SIAE: variants seen among roughly 807,000 people sequenced by gnomAD.
The protein encoded by SIAE is sialate O-acetylesterase.
Under a neutral mutation model 52.6 loss-of-function variants are expected in SIAE, and 39 were observed. That is an observed-to-expected ratio of 0.74 (90% CI 0.57 to 0.97). SIAE has a LOEUF of 0.97. Ranked by LOEUF, SIAE falls within the 50% of genes least tolerant of loss-of-function variation. SIAE has a pLI of 0.00. For synonymous variants in SIAE, 233 were observed against 241.4 expected (o/e 0.97, Z 0.32); for missense variants, 592 against 662.1 (o/e 0.89, Z 1.16).
chr11:124,644,589 T>C (rs1942903558), intron 7 of SIAE, among the ~76,000 whole-genome samples: 2 of 152,120 alleles, frequency 1.3e-5, no homozygotes, highest in Non-Finnish European at 2.9e-5. Flanking sequence ...CTAATCCGTC[T>C]CCCACAGTGG....
At chr11:124,675,390 T>C (rs765844918), upstream of SIAE, 4 of 1,613,918 alleles carry the variant, frequency 2.5e-6, no homozygotes, top group Admixed American at 5.0e-5. Flanking sequence ...CAGCAGCCTA[T>C]TTTGAGAGCC....
rs79385738 is a variant in SIAE, at chr11:124,642,215, A to C, written c.967-2348T>G. Among the ~76,000 whole-genome samples, 1,275 of 152,330 alleles carry C rather than the reference A, an allele frequency of 8.4e-3. 22 individuals carry two copies. The East Asian group carries it at 0.091, about 11-fold the overall frequency. On this transcript the variant is annotated intron_variant, in intron 7 of 9. Transcript: ENST00000263593. The stretch of plus-strand genomic sequence containing the variant: ...GAATTAACTGTGTGGCATCTCAGGC[A>C]TCCAAGTAGCACCAGAATATTTGGG...
At chr11:124,664,773 T>C (rs1035340799) in intron 2 of SIAE, among the ~76,000 whole-genome samples, 14 of 152,218 alleles carry the variant, frequency 9.2e-5, no homozygotes, top group Non-Finnish European at 1.9e-4. Context: ...GTTCTATTAT[T>C]GTGCCAAAAT....
Position 124,647,300 on chromosome 11 carries a change from ACCTCTT to A in SIAE, c.966+59_966+64del, listed in dbSNP as rs1942949005. 4.3e-6 allele frequency: 7 copies of A among 1,609,922 alleles called. No homozygotes were observed. The Admixed American group carries it at 8.3e-5, about 19-fold the overall frequency. Reference sequence around the variant, plus strand: ...CACATCCCCACACCAATGCCCATAAACCTCTTCCTCTCAACACAGGAACAGGTGTTG... The same window carrying A: ...CACATCCCCACACCAATGCCCATAAACCTCTCAACACAGGAACAGGTGTTG... On this transcript the variant is annotated intron_variant, in intron 7 of 9. Coordinates refer to ENST00000263593, the MANE Select transcript of SIAE (RefSeq NM_170601.5).
chr11:124,654,387 G>T, intron 4 of SIAE: 1 of 985,260 alleles, frequency 1.0e-6, no homozygotes, highest in East Asian at 1.1e-4. Flanking sequence ...GAGAGATGCT[G>T]GCGGAGCCCA....
intron 7 of SIAE, among the ~76,000 whole-genome samples, chr11:124,640,423 T>C (rs1184834225): frequency 2.0e-5 from 3 of 152,202 alleles, no homozygotes; most frequent in African/African-American, 7.2e-5. Flanking sequence ...TGGTATCATG[T>C]AGGGCAGAAA....
rs144033364 is a variant in SIAE at position 124,641,231 on chromosome 11, T to G, written c.967-1364A>C. Among the ~76,000 whole-genome samples, 27 of 152,300 alleles carry G rather than the reference T, an allele frequency of 1.8e-4. No homozygotes were observed. In the East Asian group the frequency reaches 3.3e-3, roughly 18 times the overall value. On this transcript the variant is annotated intron_variant, in intron 7 of 9. Transcript: ENST00000263593. ...CTAAACATTTAGAACAGGCAAAGAT[T>G]ATTATTATAGGAAAACGTGGTCTCA...
chr11:124,639,513 G>C (rs1942808195), intron 8 of SIAE, among the ~76,000 whole-genome samples, 197 bp downstream of exon 8: 1 of 152,196 alleles, frequency 6.6e-6, no homozygotes, highest in African/African-American at 2.4e-5. Context: ...AACAGAGAGA[G>C]TGACCAAGAA....
upstream of SIAE, chr11:124,675,177 T>A: frequency 1.3e-6 from 2 of 1,483,250 alleles, no homozygotes; most frequent in South Asian, 1.3e-5. Context: ...GTTGGCATAG[T>A]TGTGATTATA....
chr11:124,668,561 G>A, intron 2 of SIAE, among the ~76,000 whole-genome samples: 1 of 152,318 alleles, frequency 6.6e-6, no homozygotes, highest in East Asian at 1.9e-4. Context: ...GCACTTGTGT[G>A]CCAGGCACTG....
At chr11:124,672,526 A>G (rs1943380625) in intron 1 of SIAE, among the ~76,000 whole-genome samples, 1 of 152,220 alleles carries the variant, frequency 6.6e-6, no homozygotes, top group Non-Finnish European at 1.5e-5. Context: ...GTACTAATGA[A>G]TGAAAAATGT....
intron 4 of SIAE, among the ~76,000 whole-genome samples, chr11:124,650,558 A>G (rs921643103): frequency 1.3e-5 from 2 of 152,180 alleles, no homozygotes; most frequent in African/African-American, 4.8e-5. Flanking sequence ...GGATCATCTG[A>G]GGTCAGGAGT....
At chr11:124,666,002 T>C (rs1943268957) in intron 2 of SIAE, among the ~76,000 whole-genome samples, 1 of 152,158 alleles carries the variant, frequency 6.6e-6, no homozygotes, top group Non-Finnish European at 1.5e-5. Flanking sequence ...ACCCCTACCA[T>C]GTATGTCAAA....
intron 2 of SIAE, among the ~76,000 whole-genome samples, chr11:124,666,559 C>T (rs544377414): frequency 1.3e-5 from 2 of 152,210 alleles, no homozygotes; most frequent in Non-Finnish European, 2.9e-5. Context: ...CCACCACCAC[C>T]AATAACATCA....
intron 8 of SIAE, 39 bp from the exon 9 acceptor site, chr11:124,638,776 G>T: frequency 6.5e-7 from 1 of 1,545,848 alleles, no homozygotes; most frequent in South Asian, 1.1e-5. Context: ...TTGGGTTTAA[G>T]CTCAACAATC....
Position 124,670,390 on chromosome 11 carries a change from T to G in SIAE, c.68-869A>C, listed in dbSNP as rs555790352. ...TCCTATTTTTAACATCCAGCCTATA[T>G]AAAAGTATTTTATTAATACAAACAT... is the stretch of plus-strand genomic sequence containing the variant. On this transcript the variant is annotated intron_variant, in intron 1 of 9. Coordinates refer to ENST00000263593, the MANE Select transcript of SIAE (RefSeq NM_170601.5). This position sits in a 1 kb window ranked among gnomAD's most constrained non-coding sequence, Gnocchi z 4.5. 1.1e-3 allele frequency among the ~76,000 whole-genome samples: 171 copies of G among 152,298 alleles called. No homozygotes were observed. The highest frequency in any genetic ancestry group is 4.0e-3 in the African/African-American group (166 of 41,566).
chr11:124,643,123 T>C (rs191241386), intron 7 of SIAE, among the ~76,000 whole-genome samples: 356 of 152,360 alleles, frequency 2.3e-3, no homozygotes, highest in Non-Finnish European at 3.6e-3. Flanking sequence ...TATGCAGTCA[T>C]TTCTTACTCA....
rs937466265 is a variant in SIAE at position 124,636,272 on chromosome 11, T to C, written c.*679A>G. The C allele has an allele frequency of 7.8e-5, 12 of 153,472 alleles. No homozygotes were observed. The highest frequency in any genetic ancestry group is 1.6e-4 in the Non-Finnish European group (11 of 68,944). 9.5% of individuals were successfully genotyped at this position (153,472 alleles called of 1,614,324 possible). A position where few individuals can be genotyped will look rare whatever the true frequency, so the allele number is the denominator to read the frequency against. On this transcript the variant is annotated 3_prime_UTR_variant, in exon 10 of 10. Coordinates refer to ENST00000263593, the MANE Select transcript of SIAE (RefSeq NM_170601.5). ...AACATTCATATTACCACTATTTAGA[T>C]TGAAGGAACAGAATTGGTTTGGGCT...
At position 124,639,188 on chromosome 11, in the gene SIAE, G is replaced by A. The variant is rs75576975; in HGVS notation, c.1125-451C>T. ...ATCCAGACACTGTGTGTTGGACTCTGTTTCCTATGTGGAATCCCCTCACAT... is the reference window on the plus strand; with the variant it reads ...ATCCAGACACTGTGTGTTGGACTCTATTTCCTATGTGGAATCCCCTCACAT... On this transcript the variant is annotated intron_variant, in intron 8 of 9. Transcript: ENST00000263593. Among the ~76,000 whole-genome samples the A allele has an allele frequency of 8.7e-3, 1,326 of 152,270 alleles. 23 individuals carry two copies. In the East Asian group the frequency reaches 0.09, roughly 10 times the overall value.
Sources: allele counts gnomAD v4.1 joint callset (sites outside exome capture counted in the v4.1 genomes callset), GRCh38; gene constraint gnomAD v4.1.1; non-coding constraint Gnocchi (gnomAD v3.1); transcripts MANE v1.5; gene names NCBI Gene and HGNC (gene_info 2026-07-23, HGNC 2026-07-21).